The following DAB1 variants were observed in gnomAD, a reference collection of about 807,000 sequenced individuals.
The protein encoded by DAB1 is disabled homolog 1.
In DAB1, 15 loss-of-function variants were observed where a neutral mutation model predicts 64.6. The ratio of observed to expected loss-of-function variants is 0.23; its 90% confidence interval spans 0.16 to 0.36. The LOEUF (loss-of-function observed/expected upper bound fraction) is 0.36. DAB1 is among the 10% of genes least tolerant of loss of function. The probability of loss-of-function intolerance (pLI) is 1.00; values close to 1 mark genes in which losing one functional copy is unlikely to be tolerated. For missense variants in DAB1, 596 were observed against 706.7 expected (o/e 0.84, Z 1.78); for synonymous variants, 235 against 251.9 (o/e 0.93, Z 0.64).
chr1:57,868,959 C>T (rs1654420487), intron 1 of DAB1, among the ~76,000 whole-genome samples: 1 of 152,076 alleles, frequency 6.6e-6, no homozygotes, highest in Non-Finnish European at 1.5e-5. Context: ...AGGTTCTGTT[C>T]AAACACCATC....
intron 6 of DAB1, among the ~76,000 whole-genome samples, chr1:57,678,761 G>GTTTTTTTTTT (rs143885937): frequency 1.4e-3 from 184 of 135,776 alleles, no homozygotes; most frequent in African/African-American, 2.8e-3. Flanking sequence ...TGAGGCAACT[G>GTTTTTTTTTT]TTTTTTGTTT....
At chr1:57,178,862 TA>T (rs11403221) in intron 2 of DAB1, among the ~76,000 whole-genome samples, 3 of 151,084 alleles carry the variant, frequency 2.0e-5, no homozygotes, top group South Asian at 4.2e-4. Context: ...TTAGGTGCTT[TA>T]AAAAAAAAGG....
chr1:58,104,236 G>A (rs1223179702), intron 5 of DAB1, among the ~76,000 whole-genome samples: 2 of 152,186 alleles, frequency 1.3e-5, no homozygotes, highest in East Asian at 3.9e-4. Context: ...GCACACAGTG[G>A]ACCCTCAATT....
chr1:58,505,979 T>C, intron 3 of DAB1: 1 of 743,928 alleles, frequency 1.3e-6, no homozygotes, highest in Non-Finnish European at 2.4e-6. Context: ...GAACTCTCTT[T>C]TACTAAGCAA....
intron 2 of DAB1, among the ~76,000 whole-genome samples, chr1:57,238,850 CACACACACAT>C (rs1185273415): frequency 7.0e-6 from 1 of 143,100 alleles, no homozygotes; most frequent in Admixed American, 7.2e-5. Context: ...CGCACACACA[CACACACACAT>C]ACACACACAC....
intron 4 of DAB1, among the ~76,000 whole-genome samples, chr1:57,098,285 T>C (rs969112499): frequency 7.2e-5 from 11 of 152,222 alleles, no homozygotes; most frequent in African/African-American, 2.7e-4. Flanking sequence ...TTTATTTATA[T>C]AGTATCTAAT....
intron 9 of DAB1, among the ~76,000 whole-genome samples, chr1:57,060,662 A>G (rs1245755183): frequency 1.3e-5 from 2 of 152,264 alleles, no homozygotes; most frequent in Middle Eastern, 3.4e-3. Context: ...CCCTGAGAAC[A>G]CAAAGCTTGA....
chr1:57,176,807 A>C (rs972245688), intron 2 of DAB1, among the ~76,000 whole-genome samples: 1 of 152,018 alleles, frequency 6.6e-6, no homozygotes, highest in African/African-American at 2.4e-5. Context: ...TCTCCAAGTA[A>C]TAAGGTCACA....
intron 5 of DAB1, among the ~76,000 whole-genome samples, chr1:58,038,116 T>C (rs951102530): frequency 6.6e-6 from 1 of 152,218 alleles, no homozygotes; most frequent in Non-Finnish European, 1.5e-5. Context: ...AATGAATATA[T>C]GGCCCTCTTA....
chr1:57,174,009 C>T (rs1569739520), intron 2 of DAB1, among the ~76,000 whole-genome samples: 1 of 152,140 alleles, frequency 6.6e-6, no homozygotes, highest in East Asian at 1.9e-4. Context: ...TGCTTGGTTA[C>T]TTCTGCAAGC....
intron 5 of DAB1, among the ~76,000 whole-genome samples, chr1:57,969,328 T>C (rs1389728255): frequency 6.6e-6 from 1 of 152,096 alleles, no homozygotes; most frequent in Non-Finnish European, 1.5e-5. Context: ...TGTATGTTTT[T>C]AAAATTTACT....
chr1:58,507,667 A>G (rs907411459), intron 2 of DAB1, among the ~76,000 whole-genome samples: 3 of 152,202 alleles, frequency 2.0e-5, no homozygotes, highest in African/African-American at 7.2e-5. Context: ...ATATAAATAC[A>G]TATCTATATA....
intron 6 of DAB1, among the ~76,000 whole-genome samples, chr1:57,766,858 C>T (rs1649336679): frequency 7.6e-6 from 1 of 131,270 alleles, no homozygotes; most frequent in South Asian, 2.4e-4. Context: ...CCCACGACCC[C>T]CTTTTCAGGT....
chr1:58,499,508 A>AG (rs71244602), intron 3 of DAB1, among the ~76,000 whole-genome samples: 5,906 of 136,060 alleles, frequency 0.043, 117 homozygotes, highest in African/African-American at 0.05. Context: ...ATAGATAGAT[A>AG]AATAGATAGA....
intron 5 of DAB1, among the ~76,000 whole-genome samples, chr1:58,025,651 G>GTATATATATATA (rs763787466): frequency 4.0e-5 from 3 of 75,290 alleles, no homozygotes; most frequent in African/African-American, 1.2e-4. Flanking sequence ...ATATATGTGT[G>GTATATATATATA]TATATATATA....
intron 6 of DAB1, among the ~76,000 whole-genome samples, chr1:57,800,032 A>G (rs72916566): frequency 0.08 from 12,205 of 152,210 alleles, 1,660 homozygotes; most frequent in African/African-American, 0.28. Context: ...TAATATAAAC[A>G]CTACGATCAA....
chr1:57,677,753 A>T (rs1407924580), intron 6 of DAB1, among the ~76,000 whole-genome samples: 1 of 152,230 alleles, frequency 6.6e-6, no homozygotes, highest in Admixed American at 6.5e-5. Context: ...GGAAGGGTAT[A>T]CCTTCAGTCA....
intron 6 of DAB1, among the ~76,000 whole-genome samples, chr1:57,677,956 C>T (rs115181449): frequency 2.3e-4 from 35 of 152,264 alleles, no homozygotes; most frequent in Non-Finnish European, 4.4e-4. Context: ...CAATTCTCAG[C>T]TACACGTTGG....
intron 7 of DAB1, among the ~76,000 whole-genome samples, chr1:57,496,744 A>T (rs763674183): frequency 2.6e-5 from 4 of 152,262 alleles, no homozygotes; most frequent in Admixed American, 6.5e-5. Flanking sequence ...CTCATTGATC[A>T]CATAAGGAAA....
Sources: gnomAD v4.1 joint callset for allele counts (sites outside exome capture counted in the v4.1 genomes callset) on GRCh38, gnomAD v4.1.1 for gene constraint, MANE v1.5 for transcripts, NCBI Gene and HGNC (gene_info 2026-07-23, HGNC 2026-07-21) for gene names.